Variants in CAMKK2 observed in about 807,000 individuals in gnomAD.
CAMKK2 encodes calcium/calmodulin-dependent protein kinase kinase 2.
A neutral mutation model predicts 67.2 loss-of-function variants in CAMKK2; 30 were observed. The observed-to-expected ratio is 0.45, with a 90% confidence interval of 0.33 to 0.61. The LOEUF is 0.61. Ranked by LOEUF, CAMKK2 falls within the 20% of genes least tolerant of loss-of-function variation. The pLI is 0.02. For missense variants in CAMKK2, 643 were observed against 802.0 expected (o/e 0.80, Z 2.39); for synonymous variants, 322 against 326.2 (o/e 0.99, Z 0.14).
At chr12:121,264,895 C>A (rs1894222562) in intron 5 of CAMKK2, among the ~76,000 whole-genome samples, 1 of 151,642 alleles carries the variant, frequency 6.6e-6, no homozygotes, top group African/African-American at 2.4e-5. Context: ...CACCTGCGCC[C>A]AGGAAGATCA....
Position 121,245,893 on chromosome 12 carries a change from G to C in CAMKK2, c.1453-653C>G, listed in dbSNP as rs556162405. 8.5e-5 allele frequency among the ~76,000 whole-genome samples: 13 copies of C among 152,154 alleles called. No individual in the cohort carries two copies. Among genetic ancestry groups the C allele is most frequent in the African/African-American group, 3.1e-4 (13 of 41,424 alleles). On this transcript the variant is annotated intron_variant, in intron 14 of 16. Transcript: ENST00000404169. This position sits in a 1 kb window ranked among gnomAD's most constrained non-coding sequence, Gnocchi z 5.8. Reference sequence around the variant, plus strand: ...CAACTGAAGAAGATAAACTCAAAGCGGTCTGTCTGTGCAATGGAACATGAT... The same window carrying C: ...CAACTGAAGAAGATAAACTCAAAGCCGTCTGTCTGTGCAATGGAACATGAT...
chr12:121,279,535 C>T (rs1007315556), intron 1 of CAMKK2, among the ~76,000 whole-genome samples: 7 of 152,348 alleles, frequency 4.6e-5, no homozygotes, highest in African/African-American at 1.4e-4. Flanking sequence ...TCATCAGGCA[C>T]CCAGCACGGA....
At position 121,296,690 on chromosome 12, in the gene CAMKK2, G is replaced by GGCTCGGCTCA. The variant is rs1359334545; in HGVS notation, c.-122_-113dup. On this transcript the variant is annotated 5_prime_UTR_variant, in exon 1 of 17. Coordinates refer to ENST00000404169, the MANE Select transcript of CAMKK2 (RefSeq NM_001270485.2). The surrounding 1 kb of genome is among the most constrained non-coding windows in gnomAD (Gnocchi z 7.1). ...GCGCTCTGCGCCCCCAGCTCGGCTC[G>GGCTCGGCTCA]GCTCGGCTCAGCTTGCTCTGCGCGG... The GGCTCGGCTCA allele has an allele frequency of 2.0e-5, 3 of 149,394 alleles. No homozygotes were observed. Among genetic ancestry groups the GGCTCGGCTCA allele is most frequent in the Admixed American group, 6.7e-5 (1 of 15,016 alleles). The allele number at this position is 149,394 out of a possible 1,614,324, so 9.3% of individuals were successfully genotyped here.
chr12:121,260,431 G>A (rs1167763096), intron 6 of CAMKK2, 76 bp from the exon 7 acceptor site: 2 of 1,400,774 alleles, frequency 1.4e-6, no homozygotes, highest in Admixed American at 1.9e-5. Context: ...GAGCAGGGAG[G>A]AGGCAGCATC....
At chr12:121,287,578 G>A (rs1899008274) in intron 1 of CAMKK2, among the ~76,000 whole-genome samples, 1 of 152,126 alleles carries the variant, frequency 6.6e-6, no homozygotes, top group Non-Finnish European at 1.5e-5. Flanking sequence ...CTGCTTGCCA[G>A]GGCCAACTGT....
At chr12:121,265,335 C>T (rs1480613911) in intron 5 of CAMKK2, among the ~76,000 whole-genome samples, 4 of 149,334 alleles carry the variant, frequency 2.7e-5, no homozygotes, top group Non-Finnish European at 4.4e-5. Flanking sequence ...GGGAGACACG[C>T]GTCATATAGC....
intron 13 of CAMKK2, 47 bp from the exon 14 acceptor site, chr12:121,248,781 C>CG (rs762793001): frequency 9.3e-6 from 15 of 1,609,788 alleles, no homozygotes; most frequent in Non-Finnish European, 1.0e-5. Flanking sequence ...GGCTGGCTAC[C>CG]GGGGGGCCCT....
chr12:121,287,268 T>A (rs1446123586), intron 1 of CAMKK2, among the ~76,000 whole-genome samples: 1 of 152,190 alleles, frequency 6.6e-6, no homozygotes, highest in African/African-American at 2.4e-5. Context: ...TAACTCTTCA[T>A]CTTCCCCTCT....
intron 9 of CAMKK2, 21 bp downstream of exon 9, chr12:121,255,529 C>T (rs201618791): frequency 8.8e-6 from 14 of 1,592,442 alleles, no homozygotes; most frequent in Non-Finnish European, 1.2e-5. Flanking sequence ...GGGTGAGAGC[C>T]CTCCCGCAGG....
chr12:121,241,203 G>A (rs1215080137), intron 16 of CAMKK2, among the ~76,000 whole-genome samples: 1 of 152,150 alleles, frequency 6.6e-6, no homozygotes, highest in Admixed American at 6.5e-5. Flanking sequence ...CACGGCGCCT[G>A]TCATACCAGG....
intron 1 of CAMKK2, among the ~76,000 whole-genome samples, chr12:121,278,105 T>C (rs549891521): frequency 2.6e-5 from 4 of 152,292 alleles, no homozygotes; most frequent in African/African-American, 9.6e-5. Flanking sequence ...TGGTCTTATC[T>C]CCTATTTCTC....
intron 1 of CAMKK2, among the ~76,000 whole-genome samples, chr12:121,294,080 G>C (rs1163182326): frequency 6.6e-6 from 1 of 152,122 alleles, no homozygotes; most frequent in Non-Finnish European, 1.5e-5. Flanking sequence ...TTACAGGTGT[G>C]TGCCACCACG....
chr12:121,257,836 C>A (rs1729020732), intron 7 of CAMKK2, among the ~76,000 whole-genome samples: 1 of 152,240 alleles, frequency 6.6e-6, no homozygotes, highest in Admixed American at 6.5e-5. Context: ...TTTAAGTCTT[C>A]ACTTGCAAGC....
rs1332153835 is a variant in CAMKK2, at chr12:121,255,261, ATT to A, written c.907+287_907+288del. 5.4e-3 allele frequency among the ~76,000 whole-genome samples: 185 copies of A among 34,494 alleles called. 36 individuals carry two copies. Among genetic ancestry groups the A allele is most frequent in the African/African-American group, 0.021 (175 of 8,320 alleles). The allele number at this position is 34,494 out of a possible 152,430, so 22.6% of individuals were successfully genotyped here. A position where few individuals can be genotyped will look rare whatever the true frequency, so the allele number is the denominator to read the frequency against. ...TTATATATATATAATTATATATATA[ATT>A]TTATATATATATAATTATATATATA... On this transcript the variant is annotated intron_variant, in intron 9 of 16. Transcript: ENST00000404169.
intron 7 of CAMKK2, 66 bp from the exon 8 acceptor site, chr12:121,255,870 C>G: frequency 2.0e-6 from 3 of 1,468,396 alleles, no homozygotes; most frequent in Non-Finnish European, 2.9e-6. Context: ...TCTGTCCTCC[C>G]CACCTCCCAA....
intron 1 of CAMKK2, among the ~76,000 whole-genome samples, chr12:121,293,136 GC>G (rs1487203841): frequency 6.6e-6 from 1 of 152,110 alleles, no homozygotes; most frequent in Non-Finnish European, 1.5e-5. Flanking sequence ...AATTAGCCAG[GC>G]CTGGTGGTGT....
rs1160313908 is a variant in CAMKK2, at chr12:121,296,090, G to A, written c.-60+548C>T. Among the ~76,000 whole-genome samples, 1 of 152,158 alleles carries A rather than the reference G, an allele frequency of 6.6e-6. No individual in the cohort carries two copies. Among genetic ancestry groups the A allele is most frequent in the Admixed American group, 6.5e-5 (1 of 15,268 alleles). ...GAGGTGCGGTGGGGGTGGTCAAAGG[G>A]CAGACCGAAGACAGCCAAAGGTCCC... On this transcript the variant is annotated intron_variant, in intron 1 of 16. Coordinates refer to ENST00000404169, the MANE Select transcript of CAMKK2 (RefSeq NM_001270485.2). The surrounding 1 kb of genome is among the most constrained non-coding windows in gnomAD (Gnocchi z 7.1).
intron 1 of CAMKK2, among the ~76,000 whole-genome samples, chr12:121,275,204 C>A (rs1043346227): frequency 1.3e-5 from 2 of 152,106 alleles, no homozygotes; most frequent in African/African-American, 4.8e-5. Context: ...CAGGTCAGGG[C>A]TGGACACGGT....
At chr12:121,272,204 G>A (rs1895917757) in intron 2 of CAMKK2, among the ~76,000 whole-genome samples, 1 of 152,222 alleles carries the variant, frequency 6.6e-6, no homozygotes, top group African/African-American at 2.4e-5. Context: ...AAGTGAAAAT[G>A]TGTTTACAAA....
Sources: gnomAD v4.1 joint callset for allele counts (sites outside exome capture counted in the v4.1 genomes callset) on GRCh38, gnomAD v4.1.1 for gene constraint, Gnocchi (gnomAD v3.1) non-coding constraint, MANE v1.5 for transcripts, NCBI Gene and HGNC (gene_info 2026-07-23, HGNC 2026-07-21) for gene names.